PALLD: variants seen among roughly 807,000 people sequenced by gnomAD.
PALLD encodes the protein palladin, cytoskeletal associated protein, also known as palladin.
In PALLD, 61 loss-of-function variants were observed where a neutral mutation model predicts 123.5. The observed-to-expected ratio is 0.49, with a 90% CI of 0.40 to 0.61. The LOEUF is 0.61. PALLD is among the 20% of genes least tolerant of loss of function. PALLD has a pLI of 0.00. For synonymous variants in PALLD, 465 were observed against 496.4 expected (o/e 0.94, Z 0.84); for missense variants, 1,273 against 1,377.0 (o/e 0.92, Z 1.20).
chr4:168,682,283 G>A (rs1405222484), intron 4 of PALLD, among the ~76,000 whole-genome samples: 1 of 152,104 alleles, frequency 6.6e-6, no homozygotes, highest in Non-Finnish European at 1.5e-5. Context: ...CTGCTAGTAT[G>A]TACATAAAAA....
chr4:168,926,174 T>A, intron 21 of PALLD, 39 bp from the exon 22 acceptor site: 1 of 1,456,026 alleles, frequency 6.9e-7, no homozygotes, highest in Non-Finnish European at 9.1e-7. Flanking sequence ...TCCAAGTATA[T>A]CTTGATTAAA....
At chr4:168,677,411 C>T (rs1405417507) in intron 3 of PALLD, among the ~76,000 whole-genome samples, 1 of 152,158 alleles carries the variant, frequency 6.6e-6, no homozygotes, top group Non-Finnish European at 1.5e-5. Context: ...TGTGTTTATT[C>T]AGGGGGCCCC....
chr4:168,527,767 T>C (rs1391847974), intron 2 of PALLD, among the ~76,000 whole-genome samples: 1 of 152,190 alleles, frequency 6.6e-6, no homozygotes, highest in Non-Finnish European at 1.5e-5. Context: ...GGCTGATCTG[T>C]GTAGACTAGA....
intron 10 of PALLD, among the ~76,000 whole-genome samples, chr4:168,745,044 G>A (rs1730080373): frequency 6.6e-6 from 1 of 152,176 alleles, no homozygotes; most frequent in African/African-American, 2.4e-5. Context: ...CTGGAATCCT[G>A]ACTCTACCTC....
chr4:168,501,715 C>T (rs1761425021), intron 1 of PALLD, among the ~76,000 whole-genome samples: 1 of 152,170 alleles, frequency 6.6e-6, no homozygotes, highest in Non-Finnish European at 1.5e-5. Flanking sequence ...CAGCTGCCCC[C>T]ATGGTACACT....
At chr4:168,737,222 G>A (rs1787848419) in intron 10 of PALLD, among the ~76,000 whole-genome samples, 1 of 152,172 alleles carries the variant, frequency 6.6e-6, no homozygotes, top group Admixed American at 6.5e-5. Context: ...TGGAATAGAG[G>A]CTAATGAACA....
intron 2 of PALLD, among the ~76,000 whole-genome samples, chr4:168,605,097 A>G (rs1404923135): frequency 6.6e-6 from 1 of 152,142 alleles, no homozygotes; most frequent in African/African-American, 2.4e-5. Context: ...TCAAGGGGGT[A>G]ATTAACTGAG....
chr4:168,846,438 A>G (rs114782460), intron 10 of PALLD, among the ~76,000 whole-genome samples: 121 of 152,352 alleles, frequency 7.9e-4, no homozygotes, highest in African/African-American at 2.7e-3. Context: ...AGTTCCTTTT[A>G]TAAGATGAGA....
At position 168,844,908 on chromosome 4, in the gene PALLD, A is replaced by T. The variant is rs1425773568; in HGVS notation, c.1965-46014A>T. On this transcript the variant is annotated intron_variant, in intron 10 of 21. Transcript: ENST00000505667. This position sits in a 1 kb window ranked among gnomAD's most constrained non-coding sequence, Gnocchi z 4.5. ...CGGAAGGGAGGGGCCCAGATGCAGAATGAATTGATTAGTTCTGTGGGTGAA... is the reference window on the plus strand; with the variant it reads ...CGGAAGGGAGGGGCCCAGATGCAGATTGAATTGATTAGTTCTGTGGGTGAA... 6.6e-6 allele frequency among the ~76,000 whole-genome samples: 1 copy of T among 152,206 alleles called. No homozygotes were observed. The highest frequency in any genetic ancestry group is 1.5e-5 in the Non-Finnish European group (1 of 68,042).
chr4:168,790,817 A>G (rs77461693), intron 10 of PALLD, among the ~76,000 whole-genome samples: 28 of 152,306 alleles, frequency 1.8e-4, no homozygotes, highest in African/African-American at 5.5e-4. Context: ...TTGCATATAT[A>G]TGTTAATTTC....
intron 2 of PALLD, among the ~76,000 whole-genome samples, chr4:168,570,471 C>A (rs1252651702): frequency 6.6e-6 from 1 of 152,118 alleles, no homozygotes; most frequent in Non-Finnish European, 1.5e-5. Context: ...TTGAGTACAG[C>A]AGGTTAACAA....
intron 1 of PALLD, among the ~76,000 whole-genome samples, chr4:168,499,433 G>C (rs1465144241): frequency 6.6e-6 from 1 of 151,984 alleles, no homozygotes; most frequent in Admixed American, 6.6e-5. Flanking sequence ...TGAAAATTAA[G>C]TGTTAAAGCT....
chr4:168,645,270 AC>A (rs151203325), intron 2 of PALLD, among the ~76,000 whole-genome samples: 1 of 152,270 alleles, frequency 6.6e-6, no homozygotes, highest in East Asian at 1.9e-4. Flanking sequence ...ATGAGACAAC[AC>A]CTATGGTATG....
intron 10 of PALLD, among the ~76,000 whole-genome samples, chr4:168,776,461 G>C (rs935694149): frequency 1.3e-5 from 2 of 152,138 alleles, no homozygotes; most frequent in Non-Finnish European, 2.9e-5. Context: ...AGACAGCTTT[G>C]CTTCCTCCTT....
In PALLD at chr4:168,771,682, C is replaced by A. The variant is rs528765480; in HGVS notation, c.1964+59759C>A. Among the ~76,000 whole-genome samples the A allele has an allele frequency of 8.5e-5, 13 of 152,246 alleles. 1 individual carries two copies. The South Asian group carries it at 2.7e-3, about 32-fold the overall frequency. On this transcript the variant is annotated intron_variant, in intron 10 of 21. Transcript: ENST00000505667. ...CATAGAGGGCTTGTCTACACTTGGT[C>A]TCAGCCATCACCCCCCAAACACACC...
intron 8 of PALLD, among the ~76,000 whole-genome samples, chr4:168,704,273 A>G (rs1324804521): frequency 6.6e-6 from 1 of 152,212 alleles, no homozygotes; most frequent in Non-Finnish European, 1.5e-5. Flanking sequence ...CTAAAACCAT[A>G]AAAACCCTAG....
At chr4:168,613,339 G>A (rs933826146) in intron 2 of PALLD, among the ~76,000 whole-genome samples, 4 of 152,150 alleles carry the variant, frequency 2.6e-5, no homozygotes, top group African/African-American at 9.7e-5. Flanking sequence ...TAAACATCTT[G>A]ACTGAGGTGT....
intron 10 of PALLD, chr4:168,755,948 G>C (rs955307419): frequency 1.2e-5 from 2 of 166,570 alleles, no homozygotes; most frequent in Non-Finnish European, 2.6e-5. Context: ...TATAGAACTC[G>C]GGCTCCTTGG....
intron 10 of PALLD, chr4:168,832,304 C>T (rs1185699850): frequency 8.2e-6 from 5 of 611,980 alleles, no homozygotes; most frequent in East Asian, 1.4e-4. Flanking sequence ...ACAAGAGACT[C>T]GTCAGCGCAC....
Sources: allele counts gnomAD v4.1 joint callset (sites outside exome capture counted in the v4.1 genomes callset), GRCh38; gene constraint gnomAD v4.1.1; non-coding constraint Gnocchi (gnomAD v3.1); transcripts MANE v1.5; gene names NCBI Gene and HGNC (gene_info 2026-07-23, HGNC 2026-07-21).